The following CAMK2D variants were observed in gnomAD, a reference collection of about 807,000 sequenced individuals.
The protein encoded by CAMK2D is calcium/calmodulin-dependent protein kinase type II subunit delta.
A neutral mutation model predicts 84.0 loss-of-function variants in CAMK2D; 37 were observed. The observed-to-expected ratio is 0.44, with a 90% confidence interval of 0.34 to 0.58. CAMK2D has a LOEUF of 0.58. Among genes scored for constraint, CAMK2D ranks in the 20% least tolerant of loss-of-function variants. The pLI is 0.02. For missense variants in CAMK2D, 448 were observed against 652.5 expected (o/e 0.69, Z 3.41); for synonymous variants, 202 against 212.5 (o/e 0.95, Z 0.43).
At position 113,486,311 on chromosome 4, in the gene CAMK2D, G is replaced by A. The variant is rs76687213; in HGVS notation, c.1135+14152C>T. Among the ~76,000 whole-genome samples, 299 of 152,058 alleles carry A rather than the reference G, an allele frequency of 2.0e-3. 2 individuals are homozygous for A. Among genetic ancestry groups the A allele is most frequent in the African/African-American group, 7.0e-3 (290 of 41,460 alleles). On this transcript the variant is annotated intron_variant, in intron 16 of 20. Transcript: ENST00000511664. ...TTTTTATAAATTCTTTTTTTGTAGAGATGGGGTCTTGTTATATTGCCGAGG... is the reference window on the plus strand; with the variant it reads ...TTTTTATAAATTCTTTTTTTGTAGAAATGGGGTCTTGTTATATTGCCGAGG...
At chr4:113,721,817 C>T (rs975280264) in intron 2 of CAMK2D, among the ~76,000 whole-genome samples, 1 of 152,120 alleles carries the variant, frequency 6.6e-6, no homozygotes, top group African/African-American at 2.4e-5. Context: ...GGCCCTAAGA[C>T]GATATAAAGA....
Position 113,541,672 on chromosome 4 carries a change from C to T in CAMK2D, c.415-4229G>A, listed in dbSNP as rs79595518. ...TCCCATATTATTTAATTCTTAAATTCCTTTGGATATTATTTTTTAAGGACT... is the reference window on the plus strand; with the variant it reads ...TCCCATATTATTTAATTCTTAAATTTCTTTGGATATTATTTTTTAAGGACT... On this transcript the variant is annotated intron_variant, in intron 6 of 20. Coordinates refer to ENST00000511664, the MANE Select transcript of CAMK2D (RefSeq NM_001321571.2). Among the ~76,000 whole-genome samples, 3 of 151,900 alleles carry T rather than the reference C, an allele frequency of 2.0e-5. No individual in the cohort carries two copies. In the South Asian group the frequency reaches 6.2e-4, roughly 32 times the overall value.
In CAMK2D at chr4:113,500,445, T is replaced by C. The variant is rs1417954587; in HGVS notation, c.1135+18A>G. ...TGAAGCTCTGAGGTAGGATTTTCCA[T>C]TTCTGGTTAAATCATACCTTTCACA... On this transcript the variant is annotated intron_variant, in intron 16 of 20. Transcript: ENST00000511664. 1 of 1,530,786 alleles carries C rather than the reference T, an allele frequency of 6.5e-7. No individual in the cohort carries two copies. 94.8% of individuals were successfully genotyped at this position (1,530,786 alleles called of 1,614,324 possible).
At chr4:113,647,695 G>C (rs2099157377) in intron 3 of CAMK2D, among the ~76,000 whole-genome samples, 1 of 152,204 alleles carries the variant, frequency 6.6e-6, no homozygotes, top group Admixed American at 6.5e-5. Flanking sequence ...AATCATCCCA[G>C]GTTGAAAACT....
chr4:113,732,328 G>T (rs1455849168), intron 2 of CAMK2D, among the ~76,000 whole-genome samples: 1 of 151,938 alleles, frequency 6.6e-6, no homozygotes, highest in Non-Finnish European at 1.5e-5. Context: ...TCCCTATGTT[G>T]TCCAGGCTGG....
intron 6 of CAMK2D, among the ~76,000 whole-genome samples, chr4:113,538,259 T>C (rs2098506728): frequency 6.6e-6 from 1 of 152,194 alleles, no homozygotes; most frequent in Non-Finnish European, 1.5e-5. Flanking sequence ...AATAAGGCTG[T>C]GTCTATACCA....
At chr4:113,543,717 A>G (rs1476648264) in intron 6 of CAMK2D, among the ~76,000 whole-genome samples, 2 of 152,120 alleles carry the variant, frequency 1.3e-5, no homozygotes, top group African/African-American at 4.8e-5. Context: ...CAAATATCCA[A>G]CACTGAGTTA....
intron 4 of CAMK2D, among the ~76,000 whole-genome samples, chr4:113,573,444 C>A (rs370994409): frequency 3.9e-5 from 6 of 152,332 alleles, no homozygotes; most frequent in Admixed American, 3.3e-4. Context: ...TTTAAAAAAT[C>A]ATCAACCATT....
rs898902214 is a variant in CAMK2D at position 113,586,800 on chromosome 4, G to A, written c.275+22352C>T. Among the ~76,000 whole-genome samples the A allele has an allele frequency of 7.2e-5, 11 of 152,198 alleles. 1 individual carries two copies. In the South Asian group the frequency reaches 1.2e-3, roughly 17 times the overall value. ...GAAAAGCCTCTATCTATGAATATTCGCTGGTTATAGTAATAAAGAGACAAA... is the reference window on the plus strand; with the variant it reads ...GAAAAGCCTCTATCTATGAATATTCACTGGTTATAGTAATAAAGAGACAAA... On this transcript the variant is annotated intron_variant, in intron 4 of 20. Coordinates refer to ENST00000511664, the MANE Select transcript of CAMK2D (RefSeq NM_001321571.2).
At chr4:113,500,560 A>G in intron 15 of CAMK2D, 49 bp from the exon 16 acceptor site, 1 of 1,267,542 alleles carries the variant, frequency 7.9e-7, no homozygotes, top group East Asian at 2.3e-5. Context: ...GAATAGCTTG[A>G]TTTCCTCCTT....
At chr4:113,565,966 A>T (rs961794945) in intron 4 of CAMK2D, among the ~76,000 whole-genome samples, 1 of 152,240 alleles carries the variant, frequency 6.6e-6, no homozygotes, top group Non-Finnish European at 1.5e-5. Context: ...ATTCTAAAAT[A>T]ACAATCAGAA....
intron 16 of CAMK2D, among the ~76,000 whole-genome samples, chr4:113,495,095 C>T (rs1375686596): frequency 4.6e-5 from 7 of 152,198 alleles, no homozygotes; most frequent in Non-Finnish European, 8.8e-5. Context: ...AGAAATCACC[C>T]GTCTTCTGCG....
intron 3 of CAMK2D, among the ~76,000 whole-genome samples, chr4:113,622,841 A>G (rs1403557651): frequency 6.6e-6 from 1 of 152,218 alleles, no homozygotes; most frequent in Non-Finnish European, 1.5e-5. Context: ...TGACATGATG[A>G]AACACTGTTT....
At chr4:113,523,590 T>C (rs6816233) in intron 8 of CAMK2D, among the ~76,000 whole-genome samples, 1 of 151,620 alleles carries the variant, frequency 6.6e-6, no homozygotes, top group Admixed American at 6.6e-5. Context: ...CTGGGCAACA[T>C]GGCAAAACCC....
chr4:113,709,746 G>GATATATATATATAT lies in CAMK2D; in HGVS notation c.161-47988_161-47975dup, dbSNP rs397995032. On this transcript the variant is annotated intron_variant, in intron 2 of 20. Coordinates refer to ENST00000511664, the MANE Select transcript of CAMK2D (RefSeq NM_001321571.2). Reference sequence around the variant, plus strand: ...GAGTGAAAAGCTAAAAGCCGTGAACGATATATATATATATATATATATATA... The same window carrying GATATATATATATAT: ...GAGTGAAAAGCTAAAAGCCGTGAACGATATATATATATATATATATATATATATATATATATATA... Among the ~76,000 whole-genome samples the GATATATATATATAT allele has an allele frequency of 4.8e-3, 241 of 49,728 alleles. 15 individuals are homozygous for GATATATATATATAT. The highest frequency in any genetic ancestry group is 9.9e-3 in the South Asian group (16 of 1,616). The allele number at this position is 49,728 out of a possible 152,430, so 32.6% of individuals were successfully genotyped here. A position where few individuals can be genotyped will look rare whatever the true frequency, so the allele number is the denominator to read the frequency against.
chr4:113,553,390 A>T (rs966393536), intron 4 of CAMK2D, among the ~76,000 whole-genome samples: 2 of 152,210 alleles, frequency 1.3e-5, no homozygotes, highest in East Asian at 3.8e-4. Flanking sequence ...ATAGAGCTTC[A>T]TGTATGAATA....
chr4:113,544,947 C>A, intron 6 of CAMK2D, among the ~76,000 whole-genome samples: 1 of 152,094 alleles, frequency 6.6e-6, no homozygotes, highest in East Asian at 1.9e-4. Context: ...GCCTGTTGTA[C>A]CTCAGTCTTG....
At chr4:113,670,434 T>C (rs2099275891) in intron 2 of CAMK2D, among the ~76,000 whole-genome samples, 1 of 147,404 alleles carries the variant, frequency 6.8e-6, no homozygotes, top group South Asian at 2.3e-4. Context: ...GAGGTTTAAA[T>C]TTGTCTATAT....
intron 3 of CAMK2D, among the ~76,000 whole-genome samples, chr4:113,635,829 T>C (rs998591732): frequency 2.0e-5 from 3 of 152,214 alleles, no homozygotes; most frequent in African/African-American, 7.2e-5. Context: ...GAATGACCAA[T>C]GTAGAAAGGA....
Sources: gnomAD v4.1 joint callset for allele counts (sites outside exome capture counted in the v4.1 genomes callset) on GRCh38, gnomAD v4.1.1 for gene constraint, MANE v1.5 for transcripts, NCBI Gene and HGNC (gene_info 2026-07-23, HGNC 2026-07-21) for gene names.